The following CSRP2 variants were observed in gnomAD, a reference collection of about 807,000 sequenced individuals.
CSRP2 encodes cysteine and glycine-rich protein 2.
CSRP2 carries 18 observed loss-of-function variants against 24.6 expected under a neutral mutation model. That is an observed-to-expected ratio of 0.73 (90% CI 0.51 to 1.09). The LOEUF is 1.09. Ranked by LOEUF, CSRP2 falls within the 50% of genes least tolerant of loss-of-function variation. CSRP2 has a pLI of 0.00. For missense variants in CSRP2, 215 were observed against 239.4 expected, an observed-to-expected ratio of 0.90 and a Z score of 0.67; for synonymous variants, 87 against 84.3, an observed-to-expected ratio of 1.03 and a Z score of -0.18.
intron 3 of CSRP2, chr12:76,860,990 G>C (rs1488382289): frequency 6.6e-6 from 1 of 152,090 alleles, no homozygotes; most frequent in African/African-American, 2.4e-5. Flanking sequence ...TATAAATTTT[G>C]ATTATTACTA....
intron 3 of CSRP2, chr12:76,861,362 A>G (rs967826140): frequency 6.2e-5 from 7 of 112,200 alleles, no homozygotes; most frequent in African/African-American, 2.3e-4. Context: ...ATATATATAT[A>G]TATATTTTTT....
At chr12:76,874,142 G>T (rs911053000) in intron 1 of CSRP2, among the ~76,000 whole-genome samples, 8 of 152,314 alleles carry the variant, frequency 5.3e-5, no homozygotes, top group Admixed American at 3.3e-4. Flanking sequence ...ACTTTCACAG[G>T]CATGACAAAA....
At chr12:76,877,057 T>TCCTCC (rs1175461973) in intron 1 of CSRP2, among the ~76,000 whole-genome samples, 2 of 152,214 alleles carry the variant, frequency 1.3e-5, no homozygotes, top group Admixed American at 1.3e-4. Context: ...CTGGCTTCGT[T>TCCTCC]CCTCCCCCTT....
chr12:76,866,729 C>T (rs898101270), intron 1 of CSRP2, among the ~76,000 whole-genome samples: 3 of 152,300 alleles, frequency 2.0e-5, no homozygotes, highest in Admixed American at 6.5e-5. Context: ...AAATTCTTAA[C>T]GTTTAACATA....
At chr12:76,875,278 C>A (rs1275563253) in intron 1 of CSRP2, among the ~76,000 whole-genome samples, 2 of 152,164 alleles carry the variant, frequency 1.3e-5, no homozygotes, top group Non-Finnish European at 2.9e-5. Context: ...AAATCTAACC[C>A]CACTGAAGGA....
chr12:76,861,364 A>T (rs977848280), intron 3 of CSRP2: 21 of 108,788 alleles, frequency 1.9e-4, no homozygotes, highest in African/African-American at 6.3e-4. Flanking sequence ...ATATATATAT[A>T]TATTTTTTTT....
intron 1 of CSRP2, among the ~76,000 whole-genome samples, chr12:76,871,365 A>G (rs1364043527): frequency 6.6e-6 from 1 of 152,242 alleles, no homozygotes; most frequent in Non-Finnish European, 1.5e-5. Flanking sequence ...AGCAACAAAC[A>G]AGGTAAGGAC....
rs997664673 is a variant in CSRP2 at position 76,858,823 on chromosome 12, A to G, written c.*129T>C. ...TCTCTTCCTACGAGTTAGCCAGCCT[A>G]TCCAAGTACAGGGCGATATACAGTA... On this transcript the variant is annotated 3_prime_UTR_variant, in exon 6 of 6. Transcript: ENST00000311083. 1.4e-4 allele frequency: 108 copies of G among 776,950 alleles called. No individual in the cohort carries two copies. The highest frequency in any genetic ancestry group is 2.1e-4 in the Non-Finnish European group (100 of 467,790). The allele number at this position is 776,950 out of a possible 1,614,324, so 48.1% of individuals were successfully genotyped here.
chr12:76,878,965 CAGG>C lies in CSRP2; in HGVS notation c.-32_-30del, dbSNP rs1415404757. ...GAGTCGGAGGCGGGAGCACGTACCGCAGGCGGAGCTAGCGAGGCTGGGCTGGAG... is the reference window on the plus strand; with the variant it reads ...GAGTCGGAGGCGGGAGCACGTACCGCCGGAGCTAGCGAGGCTGGGCTGGAG... On this transcript the variant is annotated 5_prime_UTR_variant, in exon 1 of 6. Coordinates refer to ENST00000311083, the MANE Select transcript of CSRP2 (RefSeq NM_001321.3). 6.6e-6 allele frequency: 1 copy of C among 152,290 alleles called. No individual in the cohort carries two copies. The highest frequency in any genetic ancestry group is 6.5e-5 in the Admixed American group (1 of 15,284). The allele number at this position is 152,290 out of a possible 1,614,324, so 9.4% of individuals were successfully genotyped here.
At position 76,859,368 on chromosome 12, in the gene CSRP2, TTTAAATGATCAGGAAC is replaced by T. The variant is rs1008968066; in HGVS notation, c.505+163_505+178del. The stretch of plus-strand genomic sequence containing the variant: ...GTGGTGTTTTTATCTGGTGGGGAGT[TTTAAATGATCAGGAAC>T]TTAACTGTGGTTCTCTGTCATCTAT... On this transcript the variant is annotated intron_variant, in intron 5 of 5. Transcript: ENST00000311083. The T allele has an allele frequency of 4.6e-5, 28 of 605,218 alleles. No individual in the cohort carries two copies. The African/African-American group carries it at 5.0e-4, about 11-fold the overall frequency. The allele number at this position is 605,218 out of a possible 1,614,324, so 37.5% of individuals were successfully genotyped here. A position where few individuals can be genotyped will look rare whatever the true frequency, so the allele number is the denominator to read the frequency against.
At chr12:76,867,398 T>A (rs974822268) in intron 1 of CSRP2, among the ~76,000 whole-genome samples, 3 of 147,304 alleles carry the variant, frequency 2.0e-5, no homozygotes, top group Non-Finnish European at 4.5e-5. Context: ...CAATCCCAGC[T>A]ACTTGGGAGG....
At chr12:76,876,072 G>A (rs556240453) in intron 1 of CSRP2, among the ~76,000 whole-genome samples, 69 of 152,160 alleles carry the variant, frequency 4.5e-4, no homozygotes, top group Non-Finnish European at 6.8e-4. Context: ...CTTAAGCTGA[G>A]TAGTTCCTGC....
chr12:76,859,661 A>G, intron 4 of CSRP2, 21 bp from the exon 5 acceptor site: 1 of 1,583,614 alleles, frequency 6.3e-7, no homozygotes, highest in East Asian at 2.2e-5. Context: ...TGAATGTGTC[A>G]GCATGTTTGA....
At chr12:76,873,603 TTCTC>T (rs1953823805) in intron 1 of CSRP2, among the ~76,000 whole-genome samples, 1 of 152,204 alleles carries the variant, frequency 6.6e-6, no homozygotes, top group Non-Finnish European at 1.5e-5. Flanking sequence ...GAAGTGTCAT[TTCTC>T]TCATCCGTAA....
chr12:76,859,602 C>G lies in CSRP2; in HGVS notation c.450G>C (p.Gly150=), dbSNP rs144841512. The G allele has an allele frequency of 6.2e-7, 1 of 1,612,900 alleles. No individual in the cohort carries two copies. Among genetic ancestry groups the G allele is most frequent in the African/African-American group, 1.3e-5 (1 of 74,968 alleles). The part of the protein sequence containing the change: ...HKNCFRCAKC[G]KSLESTTLTE... ...TCAGAGTTGTTGATTCAAGACTCTT[C>G]CCACACTTTGCACATCGGAAACAGT... is the stretch of plus-strand genomic sequence containing the variant. Residue 150 remains glycine (G), a synonymous_variant, in exon 5 of 6, where the codon GGG becomes GGC. Coordinates refer to ENST00000311083, the MANE Select transcript of CSRP2 (RefSeq NM_001321.3).
At chr12:76,870,975 CAAAAAAAAAAAA>C (rs398020213) in intron 1 of CSRP2, among the ~76,000 whole-genome samples, 3 of 57,180 alleles carry the variant, frequency 5.2e-5, no homozygotes, top group Non-Finnish European at 8.7e-5. Flanking sequence ...GACCCTGTCT[CAAAAAAAAAAAA>C]AAAAAAAAAA....
At chr12:76,870,606 G>A (rs2137833343) in intron 1 of CSRP2, among the ~76,000 whole-genome samples, 1 of 152,214 alleles carries the variant, frequency 6.6e-6, no homozygotes, top group East Asian at 1.9e-4. Context: ...CAGCTTAAGG[G>A]CTTTCCTAAG....
rs1953734326 is a variant in CSRP2 at position 76,866,230 on chromosome 12, C to T, written c.31G>A (p.Gly11Arg). 1 of 1,614,020 alleles carries T rather than the reference C, an allele frequency of 6.2e-7. No individual in the cohort carries two copies. Among genetic ancestry groups the T allele is most frequent in the East Asian group, 2.2e-5 (1 of 44,894 alleles). ...TGGTACACGGTCCTCCCACAGGCCC[C>T]ACACTTGTTTCCACCTCCCCAGACA... MPVWGGGNKC[G>R]ACGRTVYHAE... is the part of the protein sequence containing the mutation. Residue 11 changes from glycine (G) to arginine (R), a missense_variant, in exon 2 of 6, where the codon GGG becomes AGG. Gly to Arg is a moderately radical substitution (Grantham distance 125). Transcript: ENST00000311083.
intron 2 of CSRP2, chr12:76,864,608 G>A (rs1953715630): frequency 6.7e-6 from 1 of 148,282 alleles, no homozygotes; most frequent in Non-Finnish European, 1.5e-5. Flanking sequence ...TACCTACTAT[G>A]TACCCATAAA....
Sources: gnomAD v4.1 joint callset for allele counts (sites outside exome capture counted in the v4.1 genomes callset) on GRCh38, gnomAD v4.1.1 for gene constraint, MANE v1.5 for transcripts, NCBI Gene and HGNC (gene_info 2026-07-23, HGNC 2026-07-21) for gene names.